The following PARD3 variants were observed in gnomAD, a reference collection of about 807,000 sequenced individuals.
PARD3 encodes partitioning defective 3 homolog.
Under a neutral mutation model 155.4 loss-of-function variants are expected in PARD3, and 75 were observed. The ratio of observed to expected loss-of-function variants is 0.48; its 90% CI spans 0.40 to 0.58. The LOEUF (loss-of-function observed/expected upper bound fraction) is 0.58. Among genes scored for constraint, PARD3 ranks in the 20% least tolerant of loss-of-function variants. The pLI, the probability that PARD3 is intolerant of heterozygous loss-of-function variation, is 0.00. For synonymous variants in PARD3, 576 were observed against 610.5 expected, an observed-to-expected ratio of 0.94 and a Z score of 0.83; for missense variants, 1,642 against 1,721.7, an observed-to-expected ratio of 0.95 and a Z score of 0.82.
At chr10:34,512,547 T>C (rs2081463723) in intron 3 of PARD3, among the ~76,000 whole-genome samples, 1 of 152,184 alleles carries the variant, frequency 6.6e-6, no homozygotes, top group African/African-American at 2.4e-5. Context: ...GGCATTTCTC[T>C]AAGAAGCTCT....
At position 34,788,216 on chromosome 10, in the gene PARD3, G is replaced by T. The variant is rs538474698; in HGVS notation, c.120+26660C>A. Among the ~76,000 whole-genome samples, 10 of 152,050 alleles carry T rather than the reference G, an allele frequency of 6.6e-5. 1 individual carries two copies. In the South Asian group the frequency reaches 2.1e-3, roughly 32 times the overall value. ...CACTCCATGTAACATTCTCAGGAAA[G>T]AAAAAAATTAATATTACACATTGCT... On this transcript the variant is annotated intron_variant, in intron 1 of 24. Coordinates refer to ENST00000374788, the MANE Select transcript of PARD3 (RefSeq NM_001184785.2).
intron 1 of PARD3, among the ~76,000 whole-genome samples, chr10:34,712,018 G>A (rs2094455848): frequency 6.6e-6 from 1 of 152,134 alleles, no homozygotes; most frequent in Admixed American, 6.5e-5. Flanking sequence ...TGCAGAGGTG[G>A]GTCCCCAGTG....
At chr10:34,162,094 C>A (rs1226153928) in intron 22 of PARD3, among the ~76,000 whole-genome samples, 1 of 151,848 alleles carries the variant, frequency 6.6e-6, no homozygotes, top group African/African-American at 2.4e-5. Context: ...GGAAGGGTCC[C>A]TGAAGAATCT....
At chr10:34,187,662 G>C (rs1950545342) in intron 22 of PARD3, among the ~76,000 whole-genome samples, 2 of 152,296 alleles carry the variant, frequency 1.3e-5, no homozygotes, top group South Asian at 4.1e-4. Context: ...TCCTTTCTGT[G>C]ATTCAGATCT....
intron 22 of PARD3, among the ~76,000 whole-genome samples, chr10:34,228,443 A>G (rs949084091): frequency 6.6e-6 from 1 of 152,134 alleles, no homozygotes; most frequent in Non-Finnish European, 1.5e-5. Flanking sequence ...CATGCAAAAA[A>G]TTATACATAT....
At chr10:34,690,848 G>A (rs550917440) in intron 2 of PARD3, among the ~76,000 whole-genome samples, 1 of 152,308 alleles carries the variant, frequency 6.6e-6, no homozygotes, top group East Asian at 1.9e-4. Flanking sequence ...GCGTACAGGT[G>A]AGCACAGCAG....
chr10:34,122,664 A>C (rs1947070198), intron 23 of PARD3, among the ~76,000 whole-genome samples: 1 of 152,228 alleles, frequency 6.6e-6, no homozygotes, highest in Non-Finnish European at 1.5e-5. Flanking sequence ...ACCCTCTAAC[A>C]GGTCACATAT....
intron 2 of PARD3, among the ~76,000 whole-genome samples, chr10:34,545,464 A>T (rs1037600153): frequency 6.6e-6 from 1 of 152,208 alleles, no homozygotes; most frequent in Non-Finnish European, 1.5e-5. Flanking sequence ...GTTGACATGG[A>T]CATTGACAGA....
intron 22 of PARD3, among the ~76,000 whole-genome samples, chr10:34,204,765 C>T (rs575230807): frequency 1.3e-5 from 2 of 152,196 alleles, no homozygotes; most frequent in South Asian, 4.2e-4. Context: ...AAACACAAGC[C>T]AGCATAAGAT....
At chr10:34,344,486 T>A (rs1208876001) in intron 15 of PARD3, 3 of 643,392 alleles carry the variant, frequency 4.7e-6, no homozygotes, top group Non-Finnish European at 5.8e-6. Context: ...TTTCACATGT[T>A]GGCCAGGCTG....
At chr10:34,153,166 A>C (rs540900033) in intron 22 of PARD3, among the ~76,000 whole-genome samples, 2 of 152,200 alleles carry the variant, frequency 1.3e-5, no homozygotes, top group Non-Finnish European at 2.9e-5. Flanking sequence ...CTGAGTATAC[A>C]CGGATGCAAT....
At chr10:34,401,706 G>A (rs1285750021) in intron 6 of PARD3, 120 bp downstream of exon 6, 1 of 747,454 alleles carries the variant, frequency 1.3e-6, no homozygotes, top group Non-Finnish European at 2.5e-6. Flanking sequence ...ACAAATCAAT[G>A]CACGGCATGT....
At chr10:34,317,417 C>T (rs1958077391) in intron 19 of PARD3, 79 bp from the exon 20 acceptor site, 1 of 1,450,880 alleles carries the variant, frequency 6.9e-7, no homozygotes, top group African/African-American at 1.4e-5. Flanking sequence ...CATTCAAGGA[C>T]TTTACTTTCC....
intron 4 of PARD3, among the ~76,000 whole-genome samples, chr10:34,462,107 G>A (rs1444809570): frequency 1.3e-5 from 2 of 152,192 alleles, no homozygotes; most frequent in African/African-American, 4.8e-5. Flanking sequence ...AAATAGAAGG[G>A]TAAAATTTAT....
In PARD3 at chr10:34,390,376, G is replaced by C. The variant is rs193116012; in HGVS notation, c.891-6122C>G. Among the ~76,000 whole-genome samples the C allele has an allele frequency of 6.0e-4, 92 of 152,202 alleles. 1 individual carries two copies. In the East Asian group the frequency reaches 0.013, roughly 22 times the overall value. The stretch of plus-strand genomic sequence containing the variant: ...AGAATACCAAGCACCAGAATACCAA[G>C]CACCACTGGAGGGAATTTCAAGGCA... On this transcript the variant is annotated intron_variant, in intron 7 of 24. Transcript: ENST00000374788.
intron 13 of PARD3, 89 bp from the exon 14 acceptor site, chr10:34,359,406 A>G: frequency 9.9e-7 from 1 of 1,011,504 alleles, no homozygotes; most frequent in African/African-American, 1.7e-5. Context: ...TAAAATAAAA[A>G]CAAAGCAAAA....
At chr10:34,392,125 C>A (rs1842920136) in intron 7 of PARD3, among the ~76,000 whole-genome samples, 2 of 151,702 alleles carry the variant, frequency 1.3e-5, no homozygotes, top group South Asian at 2.1e-4. Context: ...CAGAGTGAGA[C>A]CCTGTCTCAA....
chr10:34,404,495 C>T lies in PARD3; in HGVS notation c.715-2578G>A, dbSNP rs768930236. 2.0e-4 allele frequency among the ~76,000 whole-genome samples: 31 copies of T among 151,932 alleles called. 1 individual carries two copies. The highest frequency in any genetic ancestry group is 3.9e-4 in the Admixed American group (6 of 15,250). On this transcript the variant is annotated intron_variant, in intron 5 of 24. Transcript: ENST00000374788. ...CAGTGTGGGCAACATGGTGAGATCC[C>T]GCCTCTATTTTTTTCTTAAAGTAAG...
chr10:34,669,884 A>G (rs1414265074), intron 2 of PARD3, among the ~76,000 whole-genome samples: 1 of 152,244 alleles, frequency 6.6e-6, no homozygotes, highest in Admixed American at 6.5e-5. Context: ...TCCTATGATA[A>G]AAGTAAAATT....
Sources: allele counts gnomAD v4.1 joint callset (sites outside exome capture counted in the v4.1 genomes callset), GRCh38; gene constraint gnomAD v4.1.1; transcripts MANE v1.5; gene names NCBI Gene and HGNC (gene_info 2026-07-23, HGNC 2026-07-21).